TMEM132C: variants seen among roughly 807,000 people sequenced by gnomAD.
TMEM132C encodes transmembrane protein 132C, also known as protein phosphatase 1, regulatory subunit 152.
Under a neutral mutation model 61.4 loss-of-function variants are expected in TMEM132C, and 29 were observed. The ratio of observed to expected loss-of-function variants is 0.47; its 90% confidence interval spans 0.35 to 0.64. The LOEUF (loss-of-function observed/expected upper bound fraction) is 0.64, where lower values mean the gene tolerates loss of function less well. Among genes scored for constraint, TMEM132C ranks in the 30% least tolerant of loss-of-function variants. TMEM132C has a pLI of 0.00. For synonymous variants in TMEM132C, 656 were observed against 633.1 expected (o/e 1.04, Z -0.54); for missense variants, 1,408 against 1,476.9 (o/e 0.95, Z 0.76).
chr12:128,373,055 G>A (rs1874078023), intron 1 of TMEM132C, among the ~76,000 whole-genome samples: 1 of 152,114 alleles, frequency 6.6e-6, no homozygotes, highest in Non-Finnish European at 1.5e-5. Context: ...GACAAGTAAT[G>A]GTGTGTCATG....
At chr12:128,653,848 AGAGGGGCTGACACAG>A (rs1954297875) in intron 4 of TMEM132C, among the ~76,000 whole-genome samples, 13 of 152,192 alleles carry the variant, frequency 8.5e-5, no homozygotes, top group Admixed American at 8.5e-4. Flanking sequence ...CCATCAGCTC[AGAGGGGCTGACACAG>A]GAAGGGGAGA....
chr12:128,543,486 GC>G (rs1415598673), intron 2 of TMEM132C, among the ~76,000 whole-genome samples: 2 of 152,148 alleles, frequency 1.3e-5, no homozygotes, highest in African/African-American at 4.8e-5. Flanking sequence ...GTGTGGTGGG[GC>G]TTTCAAGTGG....
At chr12:128,428,116 A>T (rs1306137579) in intron 2 of TMEM132C, among the ~76,000 whole-genome samples, 1 of 152,196 alleles carries the variant, frequency 6.6e-6, no homozygotes, top group African/African-American at 2.4e-5. Flanking sequence ...CTGATACGCC[A>T]TGCAATCCTC....
intron 2 of TMEM132C, among the ~76,000 whole-genome samples, chr12:128,424,420 A>G (rs112439145): frequency 0.026 from 3,913 of 151,702 alleles, 78 homozygotes; most frequent in Middle Eastern, 0.058. Flanking sequence ...ACATGCTACA[A>G]TATGGATGAA....
intron 1 of TMEM132C, among the ~76,000 whole-genome samples, chr12:128,330,125 G>A (rs1217398648): frequency 6.6e-6 from 1 of 152,064 alleles, no homozygotes; most frequent in Non-Finnish European, 1.5e-5. Flanking sequence ...CACTGCCACC[G>A]CCCACAGGTG....
chr12:128,596,326 T>C (rs1364874728), intron 3 of TMEM132C, among the ~76,000 whole-genome samples: 348 of 70,588 alleles, frequency 4.9e-3, no homozygotes, highest in East Asian at 8.0e-3. Flanking sequence ...TGACTGATCC[T>C]GTGTTCTCTC....
At chr12:128,356,080 G>A (rs1873496263) in intron 1 of TMEM132C, among the ~76,000 whole-genome samples, 1 of 152,226 alleles carries the variant, frequency 6.6e-6, no homozygotes, top group African/African-American at 2.4e-5. Flanking sequence ...CCAAACATGT[G>A]TCCAAGGAAT....
rs1868742006 is a variant in TMEM132C, at chr12:128,415,377, G to T, written c.731G>T (p.Gly244Val). 6.4e-7 allele frequency: 1 copy of T among 1,553,362 alleles called. No individual in the cohort carries two copies. Among genetic ancestry groups the T allele is most frequent in the Non-Finnish European group, 8.7e-7 (1 of 1,147,186 alleles). The change falls in exon 2 of 9, where the codon GGT becomes GTT. Residue 244 changes from glycine (G) to valine (V), a missense_variant. Transcript: ENST00000435159. The surrounding 1 kb of genome is among the most constrained non-coding windows in gnomAD (Gnocchi z 5.8). ...PGNERGDCAG[G>V]DFRKGNAIRP... ...AACGAGCGAGGGGACTGTGCCGGGG[G>T]TGACTTCAGGAAGGGCAACGCCATC...
At chr12:128,481,249 C>T (rs1871307540) in intron 2 of TMEM132C, among the ~76,000 whole-genome samples, 2 of 152,210 alleles carry the variant, frequency 1.3e-5, no homozygotes, top group African/African-American at 4.8e-5. Flanking sequence ...CCCAGACACT[C>T]AGTGTGCATT....
At chr12:128,476,854 C>T (rs976374975) in intron 2 of TMEM132C, among the ~76,000 whole-genome samples, 7 of 152,162 alleles carry the variant, frequency 4.6e-5, no homozygotes, top group Admixed American at 3.3e-4. Context: ...CTACTATATT[C>T]CCTAAGCAAG....
At chr12:128,394,099 G>A (rs1382600211) in intron 1 of TMEM132C, among the ~76,000 whole-genome samples, 1 of 152,174 alleles carries the variant, frequency 6.6e-6, no homozygotes, top group Non-Finnish European at 1.5e-5. Flanking sequence ...GTGGGGGAAG[G>A]TGAAAGGCGT....
intron 1 of TMEM132C, among the ~76,000 whole-genome samples, chr12:128,414,220 C>T (rs1036069916): frequency 6.6e-6 from 1 of 151,792 alleles, no homozygotes; most frequent in African/African-American, 2.4e-5. Flanking sequence ...GACCCCATCT[C>T]TATTAAAAAA....
chr12:128,608,747 G>T (rs1420346445), intron 3 of TMEM132C, among the ~76,000 whole-genome samples: 1 of 152,144 alleles, frequency 6.6e-6, no homozygotes, highest in Non-Finnish European at 1.5e-5. Flanking sequence ...TTAGTGTAGG[G>T]TAGACACAGC....
intron 2 of TMEM132C, among the ~76,000 whole-genome samples, chr12:128,540,163 C>G (rs12810588): frequency 0.46 from 69,951 of 151,940 alleles, 18,730 homozygotes; most frequent in Non-Finnish European, 0.6. Flanking sequence ...GTCCCTGCTG[C>G]GTGTTCTTTT....
At chr12:128,520,532 T>C (rs1330523162) in intron 2 of TMEM132C, among the ~76,000 whole-genome samples, 1 of 152,206 alleles carries the variant, frequency 6.6e-6, no homozygotes, top group African/African-American at 2.4e-5. Context: ...GGAAGATATG[T>C]ATACCACAGA....
intron 4 of TMEM132C, among the ~76,000 whole-genome samples, chr12:128,648,342 C>T (rs561927753): frequency 7.4e-5 from 11 of 147,896 alleles, no homozygotes; most frequent in South Asian, 2.1e-4. Context: ...AGTCCATCAG[C>T]ATTGGATATG....
intron 4 of TMEM132C, among the ~76,000 whole-genome samples, chr12:128,639,603 T>C (rs1202454273): frequency 6.6e-6 from 1 of 152,230 alleles, no homozygotes; most frequent in Non-Finnish European, 1.5e-5. Flanking sequence ...TCCTTTCTTG[T>C]GTTCATAAAT....
At chr12:128,450,004 C>T (rs2062120776) in intron 2 of TMEM132C, among the ~76,000 whole-genome samples, 1 of 152,080 alleles carries the variant, frequency 6.6e-6, no homozygotes, top group South Asian at 2.1e-4. Flanking sequence ...GATGTAGGGC[C>T]CTGAGTTTCA....
At chr12:128,429,009 G>A (rs184105560) in intron 2 of TMEM132C, among the ~76,000 whole-genome samples, 7 of 152,296 alleles carry the variant, frequency 4.6e-5, no homozygotes, top group African/African-American at 1.4e-4. Context: ...ATGCTTGACT[G>A]AGTGCTGTGG....
Sources: allele counts gnomAD v4.1 joint callset (sites outside exome capture counted in the v4.1 genomes callset), GRCh38; gene constraint gnomAD v4.1.1; non-coding constraint Gnocchi (gnomAD v3.1); transcripts MANE v1.5; gene names NCBI Gene and HGNC (gene_info 2026-07-23, HGNC 2026-07-21).